Variants in JAZF1 observed in about 807,000 individuals in gnomAD.
JAZF1 encodes the protein juxtaposed with another zinc finger protein 1.
JAZF1 carries 8 observed loss-of-function variants against 26.4 expected under a neutral mutation model. The ratio of observed to expected loss-of-function variants is 0.30; its 90% CI spans 0.18 to 0.55. The LOEUF is 0.55. Ranked by LOEUF, JAZF1 falls within the 20% of genes least tolerant of loss-of-function variation. JAZF1 has a pLI of 0.94. For synonymous variants in JAZF1, 126 were observed against 122.3 expected (o/e 1.03, Z -0.20); for missense variants, 199 against 322.0 (o/e 0.62, Z 2.92).
At chr7:27,983,118 G>A (rs1294856685) in intron 2 of JAZF1, among the ~76,000 whole-genome samples, 1 of 152,230 alleles carries the variant, frequency 6.6e-6, no homozygotes, top group African/African-American at 2.4e-5. Context: ...GAGAGAAGAA[G>A]GCTTCAGATG....
intron 1 of JAZF1, among the ~76,000 whole-genome samples, chr7:28,120,542 T>C (rs1451162137): frequency 2.3e-5 from 3 of 128,312 alleles, no homozygotes; most frequent in Non-Finnish European, 4.8e-5. Flanking sequence ...AGAGTCTCGC[T>C]CTGTTGCCAG....
At chr7:28,034,469 TACAC>T (rs59979673) in intron 1 of JAZF1, among the ~76,000 whole-genome samples, 496 of 145,386 alleles carry the variant, frequency 3.4e-3, no homozygotes, top group Middle Eastern at 0.021. Flanking sequence ...AGAAAACTAA[TACAC>T]ACACACACAC....
intron 1 of JAZF1, among the ~76,000 whole-genome samples, chr7:28,052,214 G>C (rs181993017): frequency 1.3e-5 from 2 of 152,260 alleles, no homozygotes; most frequent in East Asian, 3.9e-4. Context: ...TTGGTAATTA[G>C]ACCACCTTTT....
chr7:28,021,604 C>T (rs574043844), intron 1 of JAZF1, among the ~76,000 whole-genome samples: 146 of 152,220 alleles, frequency 9.6e-4, no homozygotes, highest in Non-Finnish European at 1.6e-3. Context: ...ACAGTGTGGA[C>T]GTAGGACAAA....
intron 1 of JAZF1, among the ~76,000 whole-genome samples, chr7:28,024,088 C>T (rs1316323228): frequency 6.6e-6 from 1 of 150,976 alleles, no homozygotes; most frequent in African/African-American, 2.4e-5. Flanking sequence ...GACTTCAAGA[C>T]CAACCTGGGC....
Position 28,111,881 on chromosome 7 carries a change from A to G in JAZF1, c.115+68582T>C, listed in dbSNP as rs568041845. Among the ~76,000 whole-genome samples, 4 of 152,346 alleles carry G rather than the reference A, an allele frequency of 2.6e-5. 1 individual carries two copies. In the South Asian group the frequency reaches 8.3e-4, roughly 32 times the overall value. Reference sequence around the variant, plus strand: ...GGGTGATCATTTCCCAGGTACAACCATATTTCTGCAAGCATCAGAGTTCAA... The same window carrying G: ...GGGTGATCATTTCCCAGGTACAACCGTATTTCTGCAAGCATCAGAGTTCAA... On this transcript the variant is annotated intron_variant, in intron 1 of 4. Transcript: ENST00000283928.
At chr7:28,165,077 G>C (rs1195053532) in intron 1 of JAZF1, among the ~76,000 whole-genome samples, 1 of 152,132 alleles carries the variant, frequency 6.6e-6, no homozygotes, top group African/African-American at 2.4e-5. Flanking sequence ...GCTGAGGTGG[G>C]AGGATTGCTT....
chr7:28,179,716 C>T (rs1465639229), intron 1 of JAZF1, among the ~76,000 whole-genome samples: 3 of 147,918 alleles, frequency 2.0e-5, no homozygotes, highest in Non-Finnish European at 4.5e-5. Flanking sequence ...CCAGAGCCCC[C>T]GGGCCCGCGT....
chr7:27,926,619 T>C (rs1206290131), intron 2 of JAZF1, among the ~76,000 whole-genome samples: 2 of 152,240 alleles, frequency 1.3e-5, no homozygotes, highest in East Asian at 1.9e-4. Flanking sequence ...TCCACAAATA[T>C]TTGTCAATAC....
intron 1 of JAZF1, among the ~76,000 whole-genome samples, chr7:28,115,841 A>G (rs1039117249): frequency 6.6e-6 from 1 of 152,120 alleles, no homozygotes; most frequent in Non-Finnish European, 1.5e-5. Flanking sequence ...TCAAGCAGAT[A>G]TGACTACAGA....
chr7:28,065,474 C>T (rs1284504457), intron 1 of JAZF1, among the ~76,000 whole-genome samples: 2 of 152,136 alleles, frequency 1.3e-5, no homozygotes, highest in Admixed American at 6.5e-5. Context: ...GGAAGAAACA[C>T]ACTTTGTTTA....
intron 1 of JAZF1, among the ~76,000 whole-genome samples, chr7:28,069,580 G>A (rs1479204575): frequency 5.3e-5 from 8 of 152,120 alleles, no homozygotes; most frequent in Non-Finnish European, 2.9e-5. Context: ...CGAGGGAGAG[G>A]CCCAGGTTTC....
intron 3 of JAZF1, among the ~76,000 whole-genome samples, chr7:27,891,605 T>A (rs537476749): frequency 6.6e-6 from 1 of 152,086 alleles, no homozygotes; most frequent in Non-Finnish European, 1.5e-5. Flanking sequence ...GGCAGGAGGA[T>A]TGCTTGAGGC....
At chr7:28,087,691 T>C (rs958244052) in intron 1 of JAZF1, among the ~76,000 whole-genome samples, 1 of 152,158 alleles carries the variant, frequency 6.6e-6, no homozygotes, top group Non-Finnish European at 1.5e-5. Context: ...TTTCTTAGGA[T>C]AGTGAGCTTT....
intron 1 of JAZF1, among the ~76,000 whole-genome samples, chr7:28,015,915 C>T (rs1200412157): frequency 6.6e-6 from 1 of 152,158 alleles, no homozygotes; most frequent in African/African-American, 2.4e-5. Flanking sequence ...GCTCCAGGTC[C>T]CTGCCTCTCC....
intron 1 of JAZF1, among the ~76,000 whole-genome samples, chr7:27,993,607 T>C (rs1285831798): frequency 1.3e-5 from 2 of 152,160 alleles, no homozygotes; most frequent in South Asian, 2.1e-4. Context: ...GGTGGGCCAT[T>C]TGTGCAAATG....
intron 1 of JAZF1, among the ~76,000 whole-genome samples, chr7:28,005,182 T>C (rs1427947071): frequency 6.6e-6 from 1 of 152,202 alleles, no homozygotes; most frequent in African/African-American, 2.4e-5. Context: ...AGTATGTGCC[T>C]ACAATTAATA....
At chr7:28,079,697 A>G (rs1784105703) in intron 1 of JAZF1, among the ~76,000 whole-genome samples, 1 of 152,254 alleles carries the variant, frequency 6.6e-6, no homozygotes, top group Non-Finnish European at 1.5e-5. Flanking sequence ...AAAATTTTTA[A>G]TTAGAAACAT....
At chr7:28,093,032 C>T (rs935473147) in intron 1 of JAZF1, among the ~76,000 whole-genome samples, 2 of 152,290 alleles carry the variant, frequency 1.3e-5, no homozygotes, top group Middle Eastern at 3.4e-3. Context: ...TGGAAGAACA[C>T]AGAAGGGCAC....
Sources: gnomAD v4.1 joint callset for allele counts (sites outside exome capture counted in the v4.1 genomes callset) on GRCh38, gnomAD v4.1.1 for gene constraint, MANE v1.5 for transcripts, NCBI Gene and HGNC (gene_info 2026-07-23, HGNC 2026-07-21) for gene names.